The following UGT1A4 variants were observed in gnomAD, a reference collection of about 807,000 sequenced individuals.
The protein encoded by UGT1A4 is UDP-glucuronosyltransferase 1A4.
UGT1A4 carries 32 observed loss-of-function variants against 41.1 expected under a neutral mutation model. The ratio of observed to expected loss-of-function variants is 0.78; its 90% CI spans 0.59 to 1.05. UGT1A4 has a LOEUF of 1.05. Among genes scored for constraint, UGT1A4 ranks in the 50% least tolerant of loss-of-function variants. The pLI, the probability that UGT1A4 is intolerant of heterozygous loss-of-function variation, is 0.00. For missense variants in UGT1A4, 748 were observed against 677.4 expected, an observed-to-expected ratio of 1.10 and a Z score of -1.16; for synonymous variants, 283 against 265.1, an observed-to-expected ratio of 1.07 and a Z score of -0.66.
intron 1 of UGT1A4, among the ~76,000 whole-genome samples, chr2:233,722,234 T>C (rs551912066): frequency 1.3e-5 from 2 of 152,362 alleles, no homozygotes; most frequent in East Asian, 1.9e-4. Flanking sequence ...ATCTTTATCA[T>C]GTATTATCTG....
At chr2:233,738,669 A>C (rs1295571840) in intron 1 of UGT1A4, among the ~76,000 whole-genome samples, 2 of 152,218 alleles carry the variant, frequency 1.3e-5, no homozygotes, top group African/African-American at 4.8e-5. Context: ...CTTGAGAGAG[A>C]TGATCTGAAA....
chr2:233,725,566 C>T (rs559123427), intron 1 of UGT1A4, among the ~76,000 whole-genome samples: 223 of 152,120 alleles, frequency 1.5e-3, no homozygotes, highest in African/African-American at 5.2e-3. Context: ...AACATATATT[C>T]GATATAAGAT....
At chr2:233,726,413 T>C (rs2125719382) in intron 1 of UGT1A4, among the ~76,000 whole-genome samples, 1 of 152,348 alleles carries the variant, frequency 6.6e-6, no homozygotes, top group African/African-American at 2.4e-5. Context: ...GTCAGCATTC[T>C]GATTCTGTCC....
intron 1 of UGT1A4, among the ~76,000 whole-genome samples, chr2:233,733,240 C>T (rs912669842): frequency 1.8e-4 from 28 of 152,276 alleles, no homozygotes; most frequent in Admixed American, 1.5e-3. Flanking sequence ...AATATACAAT[C>T]ATGTCATCTG....
At chr2:233,748,134 A>G (rs747605529) in intron 1 of UGT1A4, 15 of 1,609,728 alleles carry the variant, frequency 9.3e-6, no homozygotes, top group Non-Finnish European at 1.3e-5. Flanking sequence ...GTTTTTAAAA[A>G]TTGTATTTAC....
intron 1 of UGT1A4, among the ~76,000 whole-genome samples, chr2:233,757,570 G>C (rs1278180964): frequency 1.3e-5 from 1 of 75,608 alleles, no homozygotes; most frequent in African/African-American, 6.1e-5. Context: ...ATGTATATAT[G>C]ATATAGCTAT....
In UGT1A4 at chr2:233,729,997, T is replaced by G; in HGVS notation, c.867+10310T>G. On this transcript the variant is annotated intron_variant, in intron 1 of 4. Transcript: ENST00000373409. ...CAACAGGAAGCCACTATCTCAGGTC[T>G]GTATTGGTGCCTTCATCCAATCAAT... is the stretch of plus-strand genomic sequence containing the variant. 3 of 1,614,024 alleles carry G rather than the reference T, an allele frequency of 1.9e-6. No individual in the cohort carries two copies. The South Asian group carries it at 3.3e-5, about 18-fold the overall frequency.
intron 1 of UGT1A4, chr2:233,760,329 C>A (rs765814343): frequency 8.7e-6 from 14 of 1,613,970 alleles, no homozygotes; most frequent in South Asian, 1.1e-5. Flanking sequence ...TTGTCCTGGG[C>A]CTGCTGCTGT....
intron 1 of UGT1A4, among the ~76,000 whole-genome samples, chr2:233,762,788 C>T (rs553369718): frequency 6.6e-6 from 1 of 151,422 alleles, no homozygotes; most frequent in East Asian, 1.9e-4. Context: ...ATTATCTACT[C>T]ATTACTCAGC....
At chr2:233,725,992 T>C (rs1189472170) in intron 1 of UGT1A4, among the ~76,000 whole-genome samples, 2 of 152,010 alleles carry the variant, frequency 1.3e-5, no homozygotes, top group Admixed American at 6.6e-5. Context: ...GTGCTGAGAC[T>C]GCATCTCTAC....
chr2:233,729,225 G>A (rs376743890), intron 1 of UGT1A4: 6 of 1,614,040 alleles, frequency 3.7e-6, no homozygotes, highest in Admixed American at 1.7e-5. Context: ...AGGTGTTGGT[G>A]GTGCCCATTG....
At chr2:233,728,783 A>T (rs1324632843) in intron 1 of UGT1A4, among the ~76,000 whole-genome samples, 1 of 152,246 alleles carries the variant, frequency 6.6e-6, no homozygotes, top group Admixed American at 6.5e-5. Context: ...CCTGATAAAC[A>T]TGGTTAACAG....
chr2:233,736,555 T>G (rs905446962), intron 1 of UGT1A4, among the ~76,000 whole-genome samples: 2 of 152,246 alleles, frequency 1.3e-5, no homozygotes, highest in African/African-American at 4.8e-5. Flanking sequence ...GCTCCATTGC[T>G]AGCAAGGAGC....
chr2:233,729,432 AAC>A (rs1456497728), intron 1 of UGT1A4: 1 of 1,613,916 alleles, frequency 6.2e-7, no homozygotes, highest in East Asian at 2.2e-5. Flanking sequence ...TGTACTTTGA[AAC>A]AGAACATTTT....
chr2:233,722,743 G>A (rs1388091069), intron 1 of UGT1A4, among the ~76,000 whole-genome samples: 1 of 151,770 alleles, frequency 6.6e-6, no homozygotes, highest in Non-Finnish European at 1.5e-5. Context: ...TTGATGCAGT[G>A]ACTGTCTATA....
In UGT1A4 at chr2:233,728,656, G is replaced by C. The variant is rs187762667; in HGVS notation, c.867+8969G>C. Among the ~76,000 whole-genome samples, 9 of 152,298 alleles carry C rather than the reference G, an allele frequency of 5.9e-5. No homozygotes were observed. In the East Asian group the frequency reaches 1.4e-3, roughly 23 times the overall value. On this transcript the variant is annotated intron_variant, in intron 1 of 4. Coordinates refer to ENST00000373409, the MANE Select transcript of UGT1A4 (RefSeq NM_007120.3). ...GCAATGTTGTATGGTTTTTGGATGC[G>C]CTGCGTTACTCATACATGAGAAGAA...
chr2:233,724,212 T>C (rs2077189500), intron 1 of UGT1A4, among the ~76,000 whole-genome samples: 1 of 120,802 alleles, frequency 8.3e-6, no homozygotes. Context: ...GCTGAGGGGC[T>C]CCTCACTTCC....
At chr2:233,725,006 G>A (rs112132688) in intron 1 of UGT1A4, among the ~76,000 whole-genome samples, 45,538 of 146,588 alleles carry the variant, frequency 0.31, 9,033 homozygotes, top group South Asian at 0.46. Flanking sequence ...AGACCGGCCC[G>A]GCCAAACAGC....
chr2:233,755,205 G>A, intron 1 of UGT1A4: 1 of 1,079,938 alleles, frequency 9.3e-7, no homozygotes, highest in Non-Finnish European at 1.3e-6. Flanking sequence ...CTTGCGGTAC[G>A]CCTTCTTGAT....
Sources: gnomAD v4.1 joint callset for allele counts (sites outside exome capture counted in the v4.1 genomes callset) on GRCh38, gnomAD v4.1.1 for gene constraint, MANE v1.5 for transcripts, NCBI Gene and HGNC (gene_info 2026-07-23, HGNC 2026-07-21) for gene names.